Variants in ANXA2 observed in about 807,000 individuals in gnomAD.
ANXA2 encodes the protein annexin A2.
ANXA2 carries 28 observed loss-of-function variants against 47.3 expected under a neutral mutation model. The ratio of observed to expected loss-of-function variants is 0.59; its 90% CI spans 0.44 to 0.81. ANXA2 has a LOEUF of 0.81. Ranked by LOEUF, ANXA2 falls within the 40% of genes least tolerant of loss-of-function variation. The pLI is 0.00. For synonymous variants in ANXA2, 172 were observed against 155.5 expected (o/e 1.11, Z -0.79); for missense variants, 384 against 414.3 (o/e 0.93, Z 0.64).
At chr15:60,364,251 C>T (rs2062559475) in intron 4 of ANXA2, among the ~76,000 whole-genome samples, 178 bp downstream of exon 4, 1 of 152,222 alleles carries the variant, frequency 6.6e-6, no homozygotes, top group Non-Finnish European at 1.5e-5. Context: ...CGCGCGTGCA[C>T]ACACGCACAC....
rs888435252 is a variant in ANXA2 at position 60,347,339 on chromosome 15, A to G, written c.*291T>C. 3 of 440,618 alleles carry G rather than the reference A, an allele frequency of 6.8e-6. No homozygotes were observed. Among genetic ancestry groups the G allele is most frequent in the Non-Finnish European group, 1.2e-5 (3 of 244,446 alleles). The allele number at this position is 440,618 out of a possible 1,614,324, so 27.3% of individuals were successfully genotyped here. ...AGGGCCACAAAGTACGTGTTTCTAA[A>G]GTACAAATTCAGTTTATTCATCTGT... On this transcript the variant is annotated 3_prime_UTR_variant, in exon 13 of 13. Coordinates refer to ENST00000451270, the MANE Select transcript of ANXA2 (RefSeq NM_004039.3).
At chr15:60,363,076 G>C (rs1352384710) in intron 4 of ANXA2, 2 of 139,080 alleles carry the variant, frequency 1.4e-5, no homozygotes, top group Non-Finnish European at 3.1e-5. Flanking sequence ...GCTTCTATGT[G>C]TGTGTGTACA....
chr15:60,375,646 A>G (rs1005995963), intron 3 of ANXA2, among the ~76,000 whole-genome samples: 5 of 152,240 alleles, frequency 3.3e-5, no homozygotes, highest in African/African-American at 1.2e-4. Flanking sequence ...CCAGACATAA[A>G]TTAAGGTAAG....
chr15:60,353,367 C>T (rs533420739), intron 8 of ANXA2, among the ~76,000 whole-genome samples: 1 of 152,304 alleles, frequency 6.6e-6, no homozygotes, highest in South Asian at 2.1e-4. Context: ...CAGAGCAGTA[C>T]ACCATCCTGT....
chr15:60,373,743 T>C (rs368806936), intron 3 of ANXA2, among the ~76,000 whole-genome samples: 9 of 152,198 alleles, frequency 5.9e-5, no homozygotes, highest in African/African-American at 1.2e-4. Context: ...GAGATAATGA[T>C]AATACTTATT....
At chr15:60,389,079 T>C (rs891913907) in intron 1 of ANXA2, among the ~76,000 whole-genome samples, 22 of 152,082 alleles carry the variant, frequency 1.4e-4, no homozygotes, top group Non-Finnish European at 7.4e-5. Context: ...AGGATGGACA[T>C]CAAACCACCC....
intron 3 of ANXA2, among the ~76,000 whole-genome samples, chr15:60,374,942 G>C (rs893228194): frequency 5.9e-5 from 9 of 152,224 alleles, no homozygotes; most frequent in African/African-American, 2.2e-4. Flanking sequence ...TGCTCTTGTT[G>C]GTTTAGCTCC....
intron 3 of ANXA2, among the ~76,000 whole-genome samples, chr15:60,378,589 TTAA>T (rs1472766708): frequency 1.3e-5 from 2 of 152,214 alleles, no homozygotes; most frequent in Non-Finnish European, 2.9e-5. Context: ...ATTTAGGGTT[TTAA>T]TAATGCCAAC....
intron 3 of ANXA2, among the ~76,000 whole-genome samples, chr15:60,378,063 C>T (rs2062805782): frequency 6.6e-6 from 1 of 152,028 alleles, no homozygotes; most frequent in African/African-American, 2.4e-5. Context: ...GATCATGCCA[C>T]TGCACCCCAG....
At chr15:60,368,314 A>AT (rs762972097) in intron 3 of ANXA2, among the ~76,000 whole-genome samples, 2,352 of 80,412 alleles carry the variant, frequency 0.029, 65 homozygotes, top group African/African-American at 0.086. Flanking sequence ...TCAATAAAAA[A>AT]AAAAAATAAA....
At chr15:60,359,218 T>A (rs1205360045) in intron 5 of ANXA2, among the ~76,000 whole-genome samples, 1 of 152,182 alleles carries the variant, frequency 6.6e-6, no homozygotes, top group South Asian at 2.1e-4. Flanking sequence ...TTGGGCCCAA[T>A]TACATAGATT....
intron 3 of ANXA2, among the ~76,000 whole-genome samples, chr15:60,370,470 A>G (rs2062696418): frequency 6.6e-6 from 1 of 152,246 alleles, no homozygotes; most frequent in African/African-American, 2.4e-5. Flanking sequence ...GGATTGAACC[A>G]TCTTATCTTT....
chr15:60,357,323 A>ACAGACCCAATC, intron 5 of ANXA2, 87 bp from the exon 6 acceptor site: 1 of 1,115,110 alleles, frequency 9.0e-7, no homozygotes, highest in Non-Finnish European at 1.3e-6. Context: ...TAAATTGCAA[A>ACAGACCCAATC]CATGGATTGG....
At chr15:60,361,187 G>A (rs903764721) in intron 4 of ANXA2, 133 bp from the exon 5 acceptor site, 16 of 666,066 alleles carry the variant, frequency 2.4e-5, no homozygotes, top group African/African-American at 1.1e-4. Context: ...TGGGTCAAAC[G>A]CCCTCAACTG....
chr15:60,383,143 C>T (rs925927219), intron 2 of ANXA2: 1 of 152,694 alleles, frequency 6.5e-6, no homozygotes, highest in African/African-American at 2.4e-5. Flanking sequence ...TCTTTCTTTT[C>T]TTAGGTAGGG....
intron 2 of ANXA2, 192 bp from the exon 3 acceptor site, chr15:60,382,633 C>G (rs2062878710): frequency 6.5e-6 from 3 of 458,600 alleles, no homozygotes; most frequent in Non-Finnish European, 1.2e-5. Flanking sequence ...AAGAATTCTT[C>G]AAAGGCTCAG....
chr15:60,393,245 C>T, intron 1 of ANXA2: 1 of 1,064,488 alleles, frequency 9.4e-7, no homozygotes, highest in Non-Finnish European at 1.1e-6. Flanking sequence ...TGACTTGTTG[C>T]AGCTTCATGC....
In ANXA2 at chr15:60,364,499, T is replaced by C. The variant is rs2140842180; in HGVS notation, c.173A>G (p.Asn58Ser). 4 of 1,613,418 alleles carry C rather than the reference T, an allele frequency of 2.5e-6. No individual in the cohort carries two copies. The highest frequency in any genetic ancestry group is 1.1e-5 in the South Asian group (1 of 90,874). Residue 58 changes from asparagine to serine, a missense_variant, in exon 4 of 13, where the codon AAC (asparagine) becomes AGC (serine). Coordinates refer to ENST00000451270, the MANE Select transcript of ANXA2 (RefSeq NM_004039.3). ...TKGVDEVTIV[N>S]ILTNRSNAQR... Reference sequence around the variant, plus strand: ...TGCATTGCTGCGGTTGGTCAAAATGTTGACAATGGTGACCTCATCCACACC... The same window carrying C: ...TGCATTGCTGCGGTTGGTCAAAATGCTGACAATGGTGACCTCATCCACACC...
intron 7 of ANXA2, among the ~76,000 whole-genome samples, 199 bp from the exon 8 acceptor site, chr15:60,354,412 C>T (rs189692886): frequency 2.0e-5 from 3 of 152,026 alleles, no homozygotes; most frequent in African/African-American, 4.8e-5. Context: ...GAAGCCAAGG[C>T]GGGCAGATCA....
Sources: allele counts gnomAD v4.1 joint callset (sites outside exome capture counted in the v4.1 genomes callset), GRCh38; gene constraint gnomAD v4.1.1; transcripts MANE v1.5; gene names NCBI Gene and HGNC (gene_info 2026-07-23, HGNC 2026-07-21).